Variants in DCHS2 observed in about 807,000 individuals in gnomAD.
DCHS2 encodes the protein protocadherin-23.
A neutral mutation model predicts 182.4 loss-of-function variants in DCHS2; 142 were observed. That is an observed-to-expected ratio of 0.78 (90% CI 0.68 to 0.89). DCHS2 has a LOEUF of 0.89. Ranked by LOEUF, DCHS2 falls within the 40% of genes least tolerant of loss-of-function variation. The pLI, the probability that DCHS2 is intolerant of heterozygous loss-of-function variation, is 0.00. For synonymous variants in DCHS2, 1,740 were observed against 1,663.3 expected, an observed-to-expected ratio of 1.05 and a Z score of -1.12; for missense variants, 4,319 against 4,198.6, an observed-to-expected ratio of 1.03 and a Z score of -0.79.
intron 1 of DCHS2, among the ~76,000 whole-genome samples, chr4:154,390,022 T>C (rs1731614237): frequency 6.6e-6 from 1 of 152,218 alleles, no homozygotes; most frequent in Non-Finnish European, 1.5e-5. Flanking sequence ...AACATCTTTT[T>C]AGATTACTTG....
intron 1 of DCHS2, among the ~76,000 whole-genome samples, chr4:154,389,556 A>C (rs115965983): frequency 0.038 from 5,358 of 139,234 alleles, 167 homozygotes; most frequent in Middle Eastern, 0.059. Flanking sequence ...TAAAGGACCT[A>C]AACTATTTGA....
chr4:154,462,654 T>G (rs575741890), intron 1 of DCHS2, among the ~76,000 whole-genome samples: 1 of 152,314 alleles, frequency 6.6e-6, no homozygotes, highest in East Asian at 1.9e-4. Context: ...AATTGACAAC[T>G]GTTCCAATCC....
chr4:154,381,083 G>A (rs942916949), intron 1 of DCHS2, among the ~76,000 whole-genome samples: 1 of 152,206 alleles, frequency 6.6e-6, no homozygotes, highest in South Asian at 2.1e-4. Flanking sequence ...TTATGGTGCT[G>A]ATTGAGCATC....
chr4:154,448,336 A>G (rs369245816), intron 1 of DCHS2, among the ~76,000 whole-genome samples: 43 of 152,276 alleles, frequency 2.8e-4, no homozygotes, highest in African/African-American at 8.9e-4. Flanking sequence ...TATATCTCAG[A>G]TGCCTCAAGT....
chr4:154,316,235 G>A (rs184707161), intron 9 of DCHS2, among the ~76,000 whole-genome samples: 48 of 152,154 alleles, frequency 3.2e-4, no homozygotes, highest in East Asian at 7.7e-4. Flanking sequence ...TCAATGTTAT[G>A]CAATTATCTA....
rs544831680 is a variant in DCHS2 at position 154,398,731 on chromosome 4, C to T, written c.2053-21287G>A. 1.8e-4 allele frequency among the ~76,000 whole-genome samples: 27 copies of T among 152,356 alleles called. No homozygotes were observed. In the East Asian group the frequency reaches 5.0e-3, roughly 28 times the overall value. ...AGTAGGACCTTCTCCCCCAAACTTA[C>T]TGCCGGCCCTAACCAATAAAGTCAC... is the stretch of plus-strand genomic sequence containing the variant. On this transcript the variant is annotated intron_variant, in intron 1 of 19. Coordinates refer to ENST00000357232, the MANE Select transcript of DCHS2 (RefSeq NM_001358235.2).
At chr4:154,408,373 T>C (rs1468814285) in intron 1 of DCHS2, among the ~76,000 whole-genome samples, 1 of 152,220 alleles carries the variant, frequency 6.6e-6, no homozygotes, top group African/African-American at 2.4e-5. Flanking sequence ...AGAAGCTTAA[T>C]AGTCCTTGAG....
intron 1 of DCHS2, among the ~76,000 whole-genome samples, chr4:154,437,446 G>T (rs1283917685): frequency 6.6e-6 from 1 of 152,148 alleles, no homozygotes; most frequent in East Asian, 1.9e-4. Context: ...GGCTTTCTTT[G>T]GGTAGAGAGA....
chr4:154,386,777 C>G (rs530430433), intron 1 of DCHS2, among the ~76,000 whole-genome samples: 2 of 152,148 alleles, frequency 1.3e-5, no homozygotes, highest in African/African-American at 4.8e-5. Context: ...AAGAAATAAA[C>G]TTTATGACTA....
At chr4:154,319,157 T>C (rs541066290) in intron 9 of DCHS2, among the ~76,000 whole-genome samples, 9 of 152,190 alleles carry the variant, frequency 5.9e-5, no homozygotes, top group African/African-American at 2.2e-4. Context: ...AAGAATGAAG[T>C]TGTATCTTTA....
chr4:154,256,723 T>C (rs1033776902), intron 15 of DCHS2, among the ~76,000 whole-genome samples: 2 of 152,170 alleles, frequency 1.3e-5, no homozygotes, highest in Non-Finnish European at 2.9e-5. Flanking sequence ...TCCTGTCCCC[T>C]GTCATCTCTC....
At chr4:154,347,292 A>C (rs1729403860) in intron 3 of DCHS2, among the ~76,000 whole-genome samples, 1 of 149,684 alleles carries the variant, frequency 6.7e-6, no homozygotes, top group Non-Finnish European at 1.5e-5. Context: ...ACGGCTTCTT[A>C]AAAGCAAGGC....
chr4:154,402,306 A>G (rs1487659473), intron 1 of DCHS2, among the ~76,000 whole-genome samples: 4 of 152,218 alleles, frequency 2.6e-5, no homozygotes, highest in African/African-American at 9.6e-5. Context: ...TTTTAAATCA[A>G]GTAGGGAAAG....
In DCHS2 at chr4:154,377,343, G is replaced by T. The variant is rs369054659; in HGVS notation, c.2154C>A (p.Asp718Glu). Residue 718 changes from aspartate to glutamate, a missense_variant, in exon 2 of 20, where the codon GAC (aspartate) becomes GAA (glutamate). Asp to Glu is a conservative substitution (Grantham distance 45). Coordinates refer to ENST00000357232, the MANE Select transcript of DCHS2 (RefSeq NM_001358235.2). Reference sequence around the variant, plus strand: ...AAACACAGATTTGCCCATCATGAGGGTCGATCCGGAATGCCTGAGGTGCTT... The same window carrying T: ...AAACACAGATTTGCCCATCATGAGGTTCGATCCGGAATGCCTGAGGTGCTT... ...SYEAPQAFRI[D>E]PHDGQICVSQ... 1.6e-5 allele frequency: 26 copies of T among 1,613,570 alleles called. No homozygotes were observed. The African/African-American group carries it at 2.5e-4, about 16-fold the overall frequency.
At chr4:154,410,392 A>G (rs1037833734) in intron 1 of DCHS2, among the ~76,000 whole-genome samples, 2 of 150,122 alleles carry the variant, frequency 1.3e-5, no homozygotes, top group African/African-American at 4.9e-5. Context: ...AAAATAGAGA[A>G]TTTCAACAGT....
intron 1 of DCHS2, among the ~76,000 whole-genome samples, chr4:154,443,760 T>C (rs933325537): frequency 6.6e-6 from 1 of 152,192 alleles, no homozygotes; most frequent in Non-Finnish European, 1.5e-5. Flanking sequence ...AAATCTCCAC[T>C]GAGACCACAC....
Position 154,490,114 on chromosome 4 carries a change from G to T in DCHS2, c.1242C>A (p.His414Gln). The change falls in exon 1 of 20, where the codon CAC becomes CAA. Residue 414 changes from histidine (H) to glutamine (Q), a missense_variant. By Grantham distance (24) the His-to-Gln change is conservative (BLOSUM62 0). Transcript: ENST00000357232. ...CGCCTCCCTCTGTGAGAAAGAGCACGTGAATTGCTGGCCGGTTGTCATTCA... is the reference window on the plus strand; with the variant it reads ...CGCCTCCCTCTGTGAGAAAGAGCACTTGAATTGCTGGCCGGTTGTCATTCA... Reference protein sequence around the residue: ...LDVNDNRPAIHVLFLTEGGVA... With the variant: ...LDVNDNRPAIQVLFLTEGGVA... The T allele has an allele frequency of 6.5e-7, 1 of 1,548,546 alleles. No individual in the cohort carries two copies. Among genetic ancestry groups the T allele is most frequent in the Non-Finnish European group, 8.7e-7 (1 of 1,145,730 alleles).
chr4:154,489,518 C>T lies in DCHS2; in HGVS notation c.1838G>A (p.Gly613Asp). Residue 613 changes from glycine to aspartate, a missense_variant, in exon 1 of 20, where the codon GGT (glycine) becomes GAT (aspartate). Gly to Asp is a moderately conservative substitution (Grantham distance 94). Coordinates refer to ENST00000357232, the MANE Select transcript of DCHS2 (RefSeq NM_001358235.2). ...TAGAGTCCGGATAGTGCTGATCGCACCGCTTTCGGAATCAATGGCAAAAGA... is the reference window on the plus strand; with the variant it reads ...TAGAGTCCGGATAGTGCTGATCGCATCGCTTTCGGAATCAATGGCAAAAGA... ...GPSFAIDSES[G>D]AISTIRTLDR... 1.3e-6 allele frequency: 2 copies of T among 1,551,644 alleles called. No individual in the cohort carries two copies. Among genetic ancestry groups the T allele is most frequent in the Non-Finnish European group, 1.7e-6 (2 of 1,146,932 alleles).
intron 3 of DCHS2, among the ~76,000 whole-genome samples, chr4:154,347,771 T>G (rs1729426980): frequency 6.6e-6 from 1 of 151,866 alleles, no homozygotes; most frequent in African/African-American, 2.4e-5. Context: ...AAAGCATGCA[T>G]AGGAAGTCCG....
Sources: allele counts gnomAD v4.1 joint callset (sites outside exome capture counted in the v4.1 genomes callset), GRCh38; gene constraint gnomAD v4.1.1; transcripts MANE v1.5; gene names NCBI Gene and HGNC (gene_info 2026-07-23, HGNC 2026-07-21).